Variants in TMEM196 observed in about 807,000 individuals in gnomAD.
TMEM196 encodes the protein transmembrane protein 196.
In TMEM196, 17 loss-of-function variants were observed where a neutral mutation model predicts 20.0. The observed-to-expected ratio is 0.85, with a 90% CI of 0.58 to 1.27. The LOEUF is 1.27. Among genes scored for constraint, TMEM196 ranks in the 50% most tolerant of loss-of-function variants. The probability of loss-of-function intolerance (pLI) is 0.00; values close to 1 mark genes in which losing one functional copy is unlikely to be tolerated. For missense variants in TMEM196, 267 were observed against 223.0 expected, an observed-to-expected ratio of 1.20 and a Z score of -1.26; for synonymous variants, 113 against 88.9, an observed-to-expected ratio of 1.27 and a Z score of -1.52.
At chr7:19,736,225 C>T (rs1057025501) in intron 1 of TMEM196, among the ~76,000 whole-genome samples, 1 of 151,324 alleles carries the variant, frequency 6.6e-6, no homozygotes, top group Non-Finnish European at 1.5e-5. Flanking sequence ...AAAAGCATTT[C>T]ATAGTTTTCT....
At chr7:19,756,323 T>A (rs1255831175) in intron 1 of TMEM196, among the ~76,000 whole-genome samples, 1 of 151,828 alleles carries the variant, frequency 6.6e-6, no homozygotes, top group Non-Finnish European at 1.5e-5. Flanking sequence ...GTCTTTGAAA[T>A]CTAGTATGTA....
rs1783754159 is a variant in TMEM196, at chr7:19,719,717, A to C, written c.*2411T>G. On this transcript the variant is annotated 3_prime_UTR_variant, in exon 5 of 5. Transcript: ENST00000405844. ...CTAACATCCCCCACTTATCTAAAAA[A>C]GAATCGCCGCACATCCCAAGTAAAT... The C allele has an allele frequency of 6.6e-6, 1 of 152,268 alleles. No individual in the cohort carries two copies. Among genetic ancestry groups the C allele is most frequent in the Non-Finnish European group, 1.5e-5 (1 of 67,960 alleles). The allele number at this position is 152,268 out of a possible 1,614,324, so 9.4% of individuals were successfully genotyped here.
intron 1 of TMEM196, among the ~76,000 whole-genome samples, chr7:19,761,270 C>T (rs945398058): frequency 2.0e-5 from 3 of 152,154 alleles, no homozygotes; most frequent in African/African-American, 4.8e-5. Context: ...CGATGGAAAA[C>T]CCTGCTAATT....
At chr7:19,748,496 C>T (rs1449675411) in intron 1 of TMEM196, among the ~76,000 whole-genome samples, 4 of 152,110 alleles carry the variant, frequency 2.6e-5, no homozygotes, top group Non-Finnish European at 4.4e-5. Flanking sequence ...TCCGCTTAAA[C>T]GCAGTGTATA....
At position 19,720,891 on chromosome 7, in the gene TMEM196, G is replaced by A. The variant is rs1022180968; in HGVS notation, c.*1237C>T. 12 of 151,926 alleles carry A rather than the reference G, an allele frequency of 7.9e-5. No homozygotes were observed. Among genetic ancestry groups the A allele is most frequent in the African/African-American group, 2.9e-4 (12 of 41,522 alleles). 9.4% of individuals were successfully genotyped at this position (151,926 alleles called of 1,614,324 possible). A position where few individuals can be genotyped will look rare whatever the true frequency, so the allele number is the denominator to read the frequency against. ...GGGGGGTTACATCATCTGCCCTTTT[G>A]TATCATTTAACTGGACTGCAAGGTG... On this transcript the variant is annotated 3_prime_UTR_variant, in exon 5 of 5. Transcript: ENST00000405844.
At chr7:19,738,682 T>C (rs1784487192) in intron 1 of TMEM196, among the ~76,000 whole-genome samples, 1 of 151,972 alleles carries the variant, frequency 6.6e-6, no homozygotes, top group African/African-American at 2.4e-5. Flanking sequence ...TTCCAATGAC[T>C]AAAGGCTGGA....
At chr7:19,724,707 A>G (rs535064591) in intron 3 of TMEM196, among the ~76,000 whole-genome samples, 55 of 151,906 alleles carry the variant, frequency 3.6e-4, no homozygotes, top group African/African-American at 1.2e-3. Flanking sequence ...TCTTGCTATT[A>G]TCACTTCTCC....
intron 1 of TMEM196, among the ~76,000 whole-genome samples, chr7:19,729,651 G>T (rs1784126878): frequency 6.6e-6 from 1 of 152,160 alleles, no homozygotes; most frequent in Non-Finnish European, 1.5e-5. Flanking sequence ...ATTGTTAGAG[G>T]TAATTGAATC....
chr7:19,750,437 T>A (rs1302911161), intron 1 of TMEM196, among the ~76,000 whole-genome samples: 1 of 151,594 alleles, frequency 6.6e-6, no homozygotes, highest in East Asian at 2.0e-4. Context: ...ATTTTTTTTT[T>A]AGCAAATTTC....
chr7:19,754,005 C>T (rs771295597), intron 1 of TMEM196, among the ~76,000 whole-genome samples: 4 of 152,180 alleles, frequency 2.6e-5, no homozygotes, highest in African/African-American at 4.8e-5. Flanking sequence ...TTTGCATACA[C>T]TTTATTGTGT....
chr7:19,753,199 T>C (rs1008192752), intron 1 of TMEM196, among the ~76,000 whole-genome samples: 3 of 152,206 alleles, frequency 2.0e-5, no homozygotes, highest in Non-Finnish European at 4.4e-5. Context: ...ACCTTTTTTA[T>C]GTGGCTTATT....
rs1453297714 is a variant in TMEM196 at position 19,720,751 on chromosome 7, C to A, written c.*1377G>T. The A allele has an allele frequency of 6.6e-6, 1 of 151,794 alleles. No individual in the cohort carries two copies. The highest frequency in any genetic ancestry group is 2.4e-5 in the African/African-American group (1 of 41,414). The allele number at this position is 151,794 out of a possible 1,614,324, so 9.4% of individuals were successfully genotyped here. ...TCACTTTTTCCTCAAAGAATTCTTTCAGGATCTTTGGATATAGGCTTTCTT... is the reference window on the plus strand; with the variant it reads ...TCACTTTTTCCTCAAAGAATTCTTTAAGGATCTTTGGATATAGGCTTTCTT... On this transcript the variant is annotated 3_prime_UTR_variant, in exon 5 of 5. Transcript: ENST00000405844.
chr7:19,766,338 A>T (rs1021459640), intron 1 of TMEM196, among the ~76,000 whole-genome samples: 1 of 151,990 alleles, frequency 6.6e-6, no homozygotes, highest in Admixed American at 6.6e-5. Context: ...AATATGCTCA[A>T]TGAGAGTCTA....
chr7:19,740,854 A>G (rs971807450), intron 1 of TMEM196, among the ~76,000 whole-genome samples: 11 of 152,194 alleles, frequency 7.2e-5, no homozygotes, highest in Admixed American at 3.9e-4. Context: ...AATTGAGTAC[A>G]GAAATAAATT....
intron 1 of TMEM196, among the ~76,000 whole-genome samples, chr7:19,740,447 A>G (rs931570388): frequency 1.3e-5 from 2 of 152,188 alleles, no homozygotes. Context: ...TTTTATTTAC[A>G]TTTGAACCAT....
intron 1 of TMEM196, among the ~76,000 whole-genome samples, chr7:19,749,854 T>A (rs552427702): frequency 6.6e-6 from 1 of 152,320 alleles, no homozygotes; most frequent in East Asian, 1.9e-4. Flanking sequence ...CAGTGAGTCA[T>A]GCAATCTTAA....
intron 1 of TMEM196, among the ~76,000 whole-genome samples, chr7:19,743,022 G>C (rs1784630555): frequency 1.3e-5 from 2 of 152,126 alleles, no homozygotes. Flanking sequence ...ATTAGCTATG[G>C]GGAGAGGAGG....
chr7:19,747,787 A>G (rs1225552857), intron 1 of TMEM196, among the ~76,000 whole-genome samples: 3 of 152,204 alleles, frequency 2.0e-5, no homozygotes, highest in Non-Finnish European at 4.4e-5. Flanking sequence ...ACAGAAACCA[A>G]AGACAGCTGC....
At chr7:19,728,172 T>C (rs1284411799) in intron 2 of TMEM196, among the ~76,000 whole-genome samples, 1 of 152,118 alleles carries the variant, frequency 6.6e-6, no homozygotes, top group Non-Finnish European at 1.5e-5. Context: ...TTTTTTATTT[T>C]TTCCTTCCCT....
Sources: allele counts gnomAD v4.1 joint callset (sites outside exome capture counted in the v4.1 genomes callset), GRCh38; gene constraint gnomAD v4.1.1; transcripts MANE v1.5; gene names NCBI Gene and HGNC (gene_info 2026-07-23, HGNC 2026-07-21).